Variants in STK33 observed in about 807,000 individuals in gnomAD.
STK33 encodes serine/threonine kinase 33, also known as serine/threonine-protein kinase 33.
Under a neutral mutation model 58.0 loss-of-function variants are expected in STK33, and 52 were observed. That is an observed-to-expected ratio of 0.90 (90% CI 0.72 to 1.13). The LOEUF (loss-of-function observed/expected upper bound fraction) is 1.13. Among genes scored for constraint, STK33 ranks in the 50% most tolerant of loss-of-function variants. STK33 has a pLI of 0.00. For missense variants in STK33, 630 were observed against 604.2 expected, an observed-to-expected ratio of 1.04 and a Z score of -0.45; for synonymous variants, 215 against 200.1, an observed-to-expected ratio of 1.07 and a Z score of -0.63.
intron 14 of STK33, among the ~76,000 whole-genome samples, chr11:8,422,017 T>G (rs1287981828): frequency 6.6e-6 from 1 of 152,164 alleles, no homozygotes; most frequent in African/African-American, 2.4e-5. Context: ...CTCACTTTAG[T>G]CTTCAGTTGA....
intron 15 of STK33, among the ~76,000 whole-genome samples, chr11:8,406,858 C>G (rs1305756602): frequency 3.3e-5 from 5 of 151,958 alleles, no homozygotes; most frequent in Non-Finnish European, 7.4e-5. Flanking sequence ...CAGCTAGAAC[C>G]TTTTGTACAA....
chr11:8,472,167 G>A (rs1233044352), intron 6 of STK33, among the ~76,000 whole-genome samples: 1 of 152,104 alleles, frequency 6.6e-6, no homozygotes, highest in African/African-American at 2.4e-5. Context: ...GGCCTCAAGT[G>A]ATCCTCCTTC....
the STK33 span, among the ~76,000 whole-genome samples, chr11:8,357,243 G>A: frequency 2.0e-5 from 3 of 152,190 alleles, no homozygotes; most frequent in Non-Finnish European, 4.4e-5. Flanking sequence ...TTAGCAGCGC[G>A]CGGCGCGATT....
At chr11:8,396,767 T>C (rs1849419710) in intron 15 of STK33, among the ~76,000 whole-genome samples, 2 of 152,190 alleles carry the variant, frequency 1.3e-5, no homozygotes, top group Non-Finnish European at 2.9e-5. Context: ...CCCACACTAA[T>C]ACTGTGCTTT....
At chr11:8,564,771 C>T (rs1957342518) in intron 1 of STK33, among the ~76,000 whole-genome samples, 2 of 152,132 alleles carry the variant, frequency 1.3e-5, no homozygotes, top group African/African-American at 4.8e-5. Context: ...AGGTCTAGCG[C>T]CACCATCAAC....
intron 1 of STK33, among the ~76,000 whole-genome samples, chr11:8,489,635 T>C (rs774430084): frequency 6.6e-6 from 1 of 152,194 alleles, no homozygotes; most frequent in African/African-American, 2.4e-5. Flanking sequence ...AATATATTCA[T>C]GAGGGCAGAG....
the STK33 span, among the ~76,000 whole-genome samples, chr11:8,383,416 G>A: frequency 3.9e-5 from 6 of 152,130 alleles, no homozygotes; most frequent in East Asian, 1.2e-3. Flanking sequence ...GAGGTAGGGA[G>A]CCCCCAACCC....
At chr11:8,513,330 T>C (rs764308099) in intron 1 of STK33, among the ~76,000 whole-genome samples, 6 of 152,180 alleles carry the variant, frequency 3.9e-5, no homozygotes, top group African/African-American at 7.2e-5. Flanking sequence ...TATGCTTGTG[T>C]GTAGCCCGTT....
At chr11:8,553,167 A>AATATATATATATATAT (rs56363010) in intron 1 of STK33, among the ~76,000 whole-genome samples, 6 of 68,184 alleles carry the variant, frequency 8.8e-5, no homozygotes, top group Admixed American at 4.5e-4. Context: ...CCAAAAATAA[A>AATATATATATATATAT]ATATATATAT....
At chr11:8,576,998 T>C (rs1045790640) in intron 1 of STK33, among the ~76,000 whole-genome samples, 2 of 152,110 alleles carry the variant, frequency 1.3e-5, no homozygotes, top group African/African-American at 2.4e-5. Context: ...GATCCTCCTG[T>C]CTTAGCCTCC....
intron 1 of STK33, among the ~76,000 whole-genome samples, chr11:8,521,640 C>A (rs1490469377): frequency 1.3e-5 from 2 of 152,160 alleles, no homozygotes; most frequent in African/African-American, 2.4e-5. Flanking sequence ...TCTAATTAAA[C>A]TAAAGAGCTT....
At chr11:8,573,082 G>A (rs1461182614) in intron 1 of STK33, among the ~76,000 whole-genome samples, 4 of 151,880 alleles carry the variant, frequency 2.6e-5, no homozygotes, top group African/African-American at 9.7e-5. Flanking sequence ...CAGATAAAAA[G>A]GAAAAATTGT....
downstream of STK33, among the ~76,000 whole-genome samples, chr11:8,388,310 A>T (rs758773249): frequency 1.3e-4 from 20 of 152,368 alleles, no homozygotes; most frequent in Admixed American, 1.1e-3. Context: ...CTGACCCAGC[A>T]AGCACAGAGT....
intron 2 of STK33, among the ~76,000 whole-genome samples, chr11:8,478,253 T>C (rs1949466632): frequency 6.6e-6 from 1 of 152,170 alleles, no homozygotes; most frequent in African/African-American, 2.4e-5. Flanking sequence ...AATAGCTCTT[T>C]TTCTATAGAA....
At chr11:8,519,462 G>A (rs1450175081) in intron 1 of STK33, among the ~76,000 whole-genome samples, 2 of 152,140 alleles carry the variant, frequency 1.3e-5, no homozygotes, top group African/African-American at 4.8e-5. Flanking sequence ...ACATTCAAAA[G>A]CTAGCAGAAG....
chr11:8,440,434 T>C (rs1944593049), intron 12 of STK33, among the ~76,000 whole-genome samples: 1 of 152,162 alleles, frequency 6.6e-6, no homozygotes, highest in African/African-American at 2.4e-5. Flanking sequence ...TTTGCTCAGA[T>C]CATATTGTTG....
intron 1 of STK33, among the ~76,000 whole-genome samples, chr11:8,577,816 A>G (rs1296960195): frequency 6.6e-6 from 1 of 152,094 alleles, no homozygotes; most frequent in Non-Finnish European, 1.5e-5. Context: ...AAATATTTAA[A>G]ACCTCCTTTT....
Position 8,436,047 on chromosome 11 carries a change from C to A in STK33, c.1040G>T (p.Trp347Leu), listed in dbSNP as rs1409149944. 6.3e-7 allele frequency: 1 copy of A among 1,585,148 alleles called. No individual in the cohort carries two copies. The highest frequency in any genetic ancestry group is 1.2e-5 in the South Asian group (1 of 84,092). The change falls in exon 13 of 16, where the codon TGG becomes TTG. Residue 347 changes from tryptophan (W) to leucine (L), a missense_variant. Coordinates refer to ENST00000687296, the MANE Select transcript of STK33 (RefSeq NM_001352389.2). ...CTTACCACAGTCACTTATGGAATTC[C>A]AGACTGCATTTTCAAAATGTAGTTC... ...KGELHFENAV[W>L]NSISDCAKSV... is the part of the protein sequence containing the mutation.
At chr11:8,383,682 C>T in the STK33 span, among the ~76,000 whole-genome samples, 2 of 152,344 alleles carry the variant, frequency 1.3e-5, no homozygotes, top group South Asian at 2.1e-4. Context: ...GATTTGGCCA[C>T]ATCTCCCAGG....
Sources: gnomAD v4.1 joint callset for allele counts (sites outside exome capture counted in the v4.1 genomes callset) on GRCh38, gnomAD v4.1.1 for gene constraint, MANE v1.5 for transcripts, NCBI Gene and HGNC (gene_info 2026-07-23, HGNC 2026-07-21) for gene names.